The following HSPBAP1 variants were observed in gnomAD, a reference collection of about 807,000 sequenced individuals.
HSPBAP1 encodes the protein HSPB1 associated protein 1.
Under a neutral mutation model 45.2 loss-of-function variants are expected in HSPBAP1, and 27 were observed. The ratio of observed to expected loss-of-function variants is 0.60; its 90% confidence interval spans 0.44 to 0.82. HSPBAP1 has a LOEUF of 0.82. Among genes scored for constraint, HSPBAP1 ranks in the 40% least tolerant of loss-of-function variants. The probability of loss-of-function intolerance (pLI) is 0.00; values close to 1 mark genes in which losing one functional copy is unlikely to be tolerated. For synonymous variants in HSPBAP1, 204 were observed against 202.7 expected, an observed-to-expected ratio of 1.01 and a Z score of -0.06; for missense variants, 510 against 590.9, an observed-to-expected ratio of 0.86 and a Z score of 1.42.
intron 6 of HSPBAP1, among the ~76,000 whole-genome samples, chr3:122,744,543 T>C (rs1302100355): frequency 1.3e-5 from 2 of 152,220 alleles, no homozygotes; most frequent in Admixed American, 6.5e-5. Flanking sequence ...AAACATTGAA[T>C]GGCCTTCAAA....
chr3:122,750,548 TATCTA>T (rs1393443530), intron 6 of HSPBAP1, among the ~76,000 whole-genome samples: 231 of 151,820 alleles, frequency 1.5e-3, no homozygotes, highest in South Asian at 2.1e-3. Flanking sequence ...TCTATCTATC[TATCTA>T]ATCTATCTAT....
chr3:122,761,379 G>A (rs887170362), intron 3 of HSPBAP1, among the ~76,000 whole-genome samples: 4 of 149,658 alleles, frequency 2.7e-5, no homozygotes, highest in African/African-American at 7.5e-5. Context: ...GCTTTGGAAA[G>A]AATCACTGAA....
At chr3:122,756,927 T>A (rs1934376276) in intron 4 of HSPBAP1, among the ~76,000 whole-genome samples, 2 of 152,124 alleles carry the variant, frequency 1.3e-5, no homozygotes, top group South Asian at 4.1e-4. Context: ...GAAGAGATCA[T>A]CAGTCTAATT....
At chr3:122,767,681 C>A (rs899654302) in intron 3 of HSPBAP1, among the ~76,000 whole-genome samples, 11 of 152,118 alleles carry the variant, frequency 7.2e-5, no homozygotes, top group African/African-American at 2.7e-4. Context: ...ATACTCCCAG[C>A]AACTCGGGAG....
At chr3:122,768,193 TTC>T (rs1401491123) in intron 3 of HSPBAP1, among the ~76,000 whole-genome samples, 3 of 152,290 alleles carry the variant, frequency 2.0e-5, no homozygotes, top group South Asian at 2.1e-4. Context: ...TCTACAGGGC[TTC>T]CACTACCAAA....
rs774642592 is a variant in HSPBAP1, at chr3:122,768,853, C to T, written c.280G>A (p.Val94Ile). Residue 94 changes from valine to isoleucine, a missense_variant, in exon 3 of 8, where the codon GTA (valine) becomes ATA (isoleucine). Coordinates refer to ENST00000306103, the MANE Select transcript of HSPBAP1 (RefSeq NM_024610.6). Reference sequence around the variant, plus strand: ...AGAAACTCTTCGAGTGTAGCTTCTACGTAATTACATGTAGTTTCAAACTGA... The same window carrying T: ...AGAAACTCTTCGAGTGTAGCTTCTATGTAATTACATGTAGTTTCAAACTGA... ...VPQFETTCNY[V>I]EATLEEFLTW... The T allele has an allele frequency of 1.9e-5, 30 of 1,611,512 alleles. No homozygotes were observed. The highest frequency in any genetic ancestry group is 7.7e-5 in the South Asian group (7 of 90,960).
intron 6 of HSPBAP1, among the ~76,000 whole-genome samples, chr3:122,745,252 T>C (rs1033173064): frequency 7.9e-5 from 12 of 151,590 alleles, no homozygotes; most frequent in African/African-American, 2.7e-4. Flanking sequence ...ATCTGAGAGA[T>C]ACCTGAAAAC....
At chr3:122,789,396 T>C (rs896520629) in intron 1 of HSPBAP1, among the ~76,000 whole-genome samples, 1 of 152,218 alleles carries the variant, frequency 6.6e-6, no homozygotes, top group African/African-American at 2.4e-5. Context: ...CTCAAATAAC[T>C]GCAATTTTTA....
intron 1 of HSPBAP1, among the ~76,000 whole-genome samples, chr3:122,789,567 C>T (rs1935758587): frequency 6.6e-6 from 1 of 152,142 alleles, no homozygotes. Flanking sequence ...GAAGGCAGAC[C>T]TCTTACTTTT....
chr3:122,760,625 T>G (rs769247462), intron 3 of HSPBAP1, among the ~76,000 whole-genome samples: 54 of 152,124 alleles, frequency 3.5e-4, no homozygotes, highest in Middle Eastern at 3.4e-3. Flanking sequence ...GAAGGGGGAA[T>G]TTTTGCAAGG....
At chr3:122,787,036 C>A (rs1341843563) in intron 1 of HSPBAP1, among the ~76,000 whole-genome samples, 1 of 152,174 alleles carries the variant, frequency 6.6e-6, no homozygotes, top group African/African-American at 2.4e-5. Context: ...AATTCTGAAG[C>A]AACCTCAACA....
intron 2 of HSPBAP1, among the ~76,000 whole-genome samples, chr3:122,770,907 T>C (rs1343072390): frequency 1.3e-5 from 2 of 152,220 alleles, no homozygotes; most frequent in Admixed American, 1.3e-4. Context: ...TCTTAGGAGT[T>C]TTCACTTCCT....
chr3:122,768,643 T>G lies in HSPBAP1; in HGVS notation c.432+58A>C, dbSNP rs1934872183. ...AGAAGGTGCCAGGGAGATTCTAATT[T>G]GTGTTCTTTTCTCAAAAACAAATTC... On this transcript the variant is annotated intron_variant, in intron 3 of 7. Transcript: ENST00000306103. 1.2e-5 allele frequency: 14 copies of G among 1,178,166 alleles called. No homozygotes were observed. In the East Asian group the frequency reaches 1.9e-4, roughly 16 times the overall value. The allele number at this position is 1,178,166 out of a possible 1,614,324, so 73.0% of individuals were successfully genotyped here. A position where few individuals can be genotyped will look rare whatever the true frequency, so the allele number is the denominator to read the frequency against.
At chr3:122,743,656 A>T (rs918850528) in intron 6 of HSPBAP1, among the ~76,000 whole-genome samples, 5 of 152,226 alleles carry the variant, frequency 3.3e-5, no homozygotes, top group Non-Finnish European at 7.3e-5. Context: ...GTCATATGGT[A>T]TATCAGTCAA....
chr3:122,756,850 T>C (rs567909751), intron 4 of HSPBAP1, among the ~76,000 whole-genome samples: 52 of 152,318 alleles, frequency 3.4e-4, no homozygotes, highest in African/African-American at 1.1e-3. Flanking sequence ...TCCATTCCAC[T>C]GTATGATTAG....
chr3:122,770,104 T>C (rs115049260), intron 2 of HSPBAP1, among the ~76,000 whole-genome samples: 8,239 of 152,328 alleles, frequency 0.054, 281 homozygotes, highest in Middle Eastern at 0.11. Context: ...AGCTTTTATC[T>C]TTTCTTACGT....
chr3:122,755,232 G>GTGGT, intron 5 of HSPBAP1, 28 bp downstream of exon 5: 1 of 1,492,422 alleles, frequency 6.7e-7, no homozygotes, highest in Non-Finnish European at 8.9e-7. Flanking sequence ...TCCCCTGGCA[G>GTGGT]GTCATTAATG....
At chr3:122,762,360 A>G (rs1934623716) in intron 3 of HSPBAP1, among the ~76,000 whole-genome samples, 2 of 152,002 alleles carry the variant, frequency 1.3e-5, no homozygotes, top group Non-Finnish European at 2.9e-5. Flanking sequence ...CAACAGCCCT[A>G]AAGCCTGGCT....
chr3:122,741,248 G>T (rs775137750), intron 6 of HSPBAP1, 135 bp from the exon 7 acceptor site: 5 of 664,080 alleles, frequency 7.5e-6, no homozygotes, highest in Non-Finnish European at 1.3e-5. Flanking sequence ...ATATGCTATT[G>T]GTAGAACCAC....
Sources: allele counts gnomAD v4.1 joint callset (sites outside exome capture counted in the v4.1 genomes callset), GRCh38; gene constraint gnomAD v4.1.1; transcripts MANE v1.5; gene names NCBI Gene and HGNC (gene_info 2026-07-23, HGNC 2026-07-21).